USP30: variants seen among roughly 807,000 people sequenced by gnomAD.
The protein encoded by USP30 is ubiquitin carboxyl-terminal hydrolase 30.
In USP30, 41 loss-of-function variants were observed where a neutral mutation model predicts 68.2. The observed-to-expected ratio is 0.60, with a 90% CI of 0.47 to 0.78. The LOEUF is 0.78. Among genes scored for constraint, USP30 ranks in the 30% least tolerant of loss-of-function variants. The probability of loss-of-function intolerance (pLI) is 0.00; values close to 1 mark genes in which losing one functional copy is unlikely to be tolerated. For missense variants in USP30, 522 were observed against 649.4 expected (o/e 0.80, Z 2.13); for synonymous variants, 229 against 253.7 (o/e 0.90, Z 0.93).
Position 109,072,303 on chromosome 12 carries a change from A to C in USP30, c.580-2A>C. 1.2e-6 allele frequency: 2 copies of C among 1,613,278 alleles called. No individual in the cohort carries two copies. Among genetic ancestry groups the C allele is most frequent in the Non-Finnish European group, 8.5e-7 (1 of 1,179,632 alleles). ...TCTGTTTTTTTTTTTTCTCCCCTAC[A>C]GCAGCAGTCAGAAATAACTCCCAAA... On this transcript the variant is annotated splice_acceptor_variant, in intron 5 of 12. Coordinates refer to ENST00000257548, the MANE Select transcript of USP30 (RefSeq NM_032663.5). LOFTEE classifies it high-confidence loss of function.
intron 11 of USP30, among the ~76,000 whole-genome samples, chr12:109,083,340 C>T (rs918126509): frequency 2.6e-5 from 4 of 152,118 alleles, no homozygotes; most frequent in South Asian, 2.1e-4. Context: ...CTAATTTTTC[C>T]GCTAAATGAT....
intron 3 of USP30, among the ~76,000 whole-genome samples, chr12:109,067,048 G>T (rs1018008061): frequency 4.0e-5 from 6 of 151,610 alleles, no homozygotes; most frequent in Non-Finnish European, 8.8e-5. Flanking sequence ...TAAGCATTGG[G>T]TAAAGCTACA....
chr12:109,043,931 A>G (rs1262416648), intron 3 of USP30, among the ~76,000 whole-genome samples: 1 of 152,224 alleles, frequency 6.6e-6, no homozygotes, highest in Non-Finnish European at 1.5e-5. Flanking sequence ...GTTCATAACA[A>G]CATTATTCAC....
rs1446356496 is a variant in USP30, at chr12:109,070,544, GTT to G, written c.481-1065_481-1064del. Among the ~76,000 whole-genome samples the G allele has an allele frequency of 6.6e-5, 10 of 152,316 alleles. 1 individual carries two copies. The highest frequency in any genetic ancestry group is 4.6e-4 in the Admixed American group (7 of 15,306). On this transcript the variant is annotated intron_variant, in intron 4 of 12. Transcript: ENST00000257548. This position sits in a 1 kb window ranked among gnomAD's most constrained non-coding sequence, Gnocchi z 4.0. ...TTTGTAGGCCAGATAAGAATGGTAG[GTT>G]TTACTCTAGTAGTGGAAGCCATTGG...
Position 109,086,189 on chromosome 12 carries a change from T to A in USP30, c.*258T>A, listed in dbSNP as rs777966158. ...TGTCCGGAGTGTCTTTTTACTCATCTGATACAGGTAATTAAAAGAACTCAG... is the reference window on the plus strand; with the variant it reads ...TGTCCGGAGTGTCTTTTTACTCATCAGATACAGGTAATTAAAAGAACTCAG... On this transcript the variant is annotated 3_prime_UTR_variant, in exon 13 of 13. Transcript: ENST00000257548. The A allele has an allele frequency of 4.9e-6, 2 of 410,540 alleles. No homozygotes were observed. Among genetic ancestry groups the A allele is most frequent in the Admixed American group, 4.0e-5 (1 of 24,926 alleles). 25.4% of individuals were successfully genotyped at this position (410,540 alleles called of 1,614,324 possible).
At chr12:109,081,229 T>G (rs1346425811) in intron 7 of USP30, 105 bp from the exon 8 acceptor site, 1 of 1,018,258 alleles carries the variant, frequency 9.8e-7, no homozygotes, top group Non-Finnish European at 1.5e-6. Context: ...TGTGTTAATG[T>G]TGGGCATCTC....
chr12:109,077,681 AC>A (rs976876640), intron 7 of USP30, among the ~76,000 whole-genome samples: 11 of 152,066 alleles, frequency 7.2e-5, no homozygotes, highest in Non-Finnish European at 1.5e-4. Flanking sequence ...CTGCCATTTT[AC>A]CATTTGTTTT....
intron 4 of USP30, 127 bp downstream of exon 4, chr12:109,067,754 G>T (rs2135758724): frequency 4.1e-6 from 3 of 739,736 alleles, no homozygotes; most frequent in Non-Finnish European, 6.6e-6. Context: ...TAGTGTTCTG[G>T]GACCAGAGTA....
chr12:109,035,919 T>C (rs2040515783), intron 3 of USP30, among the ~76,000 whole-genome samples: 1 of 152,134 alleles, frequency 6.6e-6, no homozygotes. Flanking sequence ...TCCTAGCACT[T>C]TGGGAGGCCT....
intron 1 of USP30, among the ~76,000 whole-genome samples, chr12:109,024,554 G>A (rs750019401): frequency 1.3e-4 from 20 of 151,946 alleles, no homozygotes; most frequent in Non-Finnish European, 2.5e-4. Flanking sequence ...CACCGTGCCC[G>A]GCCACAATGA....
intron 3 of USP30, among the ~76,000 whole-genome samples, chr12:109,028,761 G>C (rs1354084668): frequency 6.6e-6 from 1 of 152,130 alleles, no homozygotes; most frequent in Non-Finnish European, 1.5e-5. Context: ...ACAGGCATGA[G>C]CCACCACACC....
At chr12:109,060,669 T>G (rs1161018337) in intron 3 of USP30, among the ~76,000 whole-genome samples, 1 of 152,206 alleles carries the variant, frequency 6.6e-6, no homozygotes, top group African/African-American at 2.4e-5. Flanking sequence ...CTTTCCTTTT[T>G]TTTTGAGATG....
chr12:109,076,196 T>C (rs771906756), intron 7 of USP30, among the ~76,000 whole-genome samples: 1 of 152,184 alleles, frequency 6.6e-6, no homozygotes, highest in Admixed American at 6.5e-5. Context: ...TTTAAAAAAA[T>C]TTATTTTCAA....
At chr12:109,023,228 T>C (rs2135642988) in intron 1 of USP30, 1 of 152,316 alleles carries the variant, frequency 6.6e-6, no homozygotes, top group Non-Finnish European at 1.5e-5. Context: ...TCTCTAGGGC[T>C]CTATGAATAT....
chr12:109,083,002 C>A lies in USP30; in HGVS notation c.1108C>A (p.Leu370Met). ...GHKPSQHNPK[L>M]NKNPGPTLEL... is the part of the protein sequence containing the mutation. ...TAAACCTAGTCAACACAACCCTAAA[C>A]TGAACAAGAACCCAGGGCCTACACT... The change falls in exon 11 of 13, where the codon CTG (leucine) becomes ATG (methionine). Residue 370 changes from leucine (L) to methionine (M), a missense_variant. Coordinates refer to ENST00000257548, the MANE Select transcript of USP30 (RefSeq NM_032663.5). 3 of 1,614,144 alleles carry A rather than the reference C, an allele frequency of 1.9e-6. No homozygotes were observed. The South Asian group carries it at 3.3e-5, about 18-fold the overall frequency.
chr12:109,078,065 T>A (rs905724426), intron 7 of USP30, among the ~76,000 whole-genome samples: 4 of 152,144 alleles, frequency 2.6e-5, no homozygotes, highest in Non-Finnish European at 5.9e-5. Flanking sequence ...CTGGAAGTGG[T>A]ATTGCTAGTT....
chr12:109,079,339 CTTTTTTTTTTTCTTTTTTTTTTTTTTTTT>C (rs1488636413), intron 7 of USP30, among the ~76,000 whole-genome samples: 2 of 62,250 alleles, frequency 3.2e-5, no homozygotes, highest in African/African-American at 6.9e-5. Context: ...TTTTCTTTTT[CTTTTTTTTTTTCTTTTTTTTTTTTTTTTT>C]TTTTTTTTTT....
chr12:109,056,830 A>G (rs1277979025), intron 2 of USP30, 39 bp downstream of exon 2: 13 of 1,434,018 alleles, frequency 9.1e-6, no homozygotes, highest in Non-Finnish European at 1.1e-5. Context: ...TGTAGACTTG[A>G]CCCAGATCCC....
At chr12:109,083,828 TTTG>T (rs1180400760) in intron 11 of USP30, among the ~76,000 whole-genome samples, 1 of 151,904 alleles carries the variant, frequency 6.6e-6, no homozygotes, top group African/African-American at 2.4e-5. Flanking sequence ...CCTTACTCCT[TTTG>T]TTCTTTTTAT....
Sources: allele counts gnomAD v4.1 joint callset (sites outside exome capture counted in the v4.1 genomes callset), GRCh38; gene constraint gnomAD v4.1.1; non-coding constraint Gnocchi (gnomAD v3.1); transcripts MANE v1.5; gene names NCBI Gene and HGNC (gene_info 2026-07-23, HGNC 2026-07-21).